SNX25: variants seen among roughly 807,000 people sequenced by gnomAD.
SNX25 encodes the protein sorting nexin 25, also known as sorting nexin-25.
Under a neutral mutation model 113.7 loss-of-function variants are expected in SNX25, and 62 were observed. The ratio of observed to expected loss-of-function variants is 0.55; its 90% CI spans 0.44 to 0.67. The LOEUF (loss-of-function observed/expected upper bound fraction) is 0.67, where lower values mean the gene tolerates loss of function less well. SNX25 is among the 30% of genes least tolerant of loss of function. SNX25 has a pLI of 0.00. For missense variants in SNX25, 1,014 were observed against 1,161.0 expected (o/e 0.87, Z 1.84); for synonymous variants, 421 against 436.2 (o/e 0.97, Z 0.43).
chr4:185,259,632 TAGAG>T (rs1334703852), intron 3 of SNX25, among the ~76,000 whole-genome samples: 2 of 152,176 alleles, frequency 1.3e-5, no homozygotes, highest in Non-Finnish European at 2.9e-5. Context: ...GGGCTTTGAC[TAGAG>T]AAATTTCATT....
intron 15 of SNX25, among the ~76,000 whole-genome samples, chr4:185,355,562 C>G (rs957561662): frequency 6.6e-6 from 1 of 152,056 alleles, no homozygotes; most frequent in Non-Finnish European, 1.5e-5. Context: ...AGCATAATTA[C>G]AATAATGAAA....
intron 5 of SNX25, among the ~76,000 whole-genome samples, chr4:185,276,976 T>C (rs551085872): frequency 6.6e-6 from 1 of 152,312 alleles, no homozygotes; most frequent in African/African-American, 2.4e-5. Flanking sequence ...AGGCTTCTTA[T>C]GTATGGAATG....
chr4:185,211,240 TGTTA>T (rs953911476), intron 1 of SNX25, among the ~76,000 whole-genome samples: 11 of 152,286 alleles, frequency 7.2e-5, no homozygotes, highest in Middle Eastern at 3.4e-3. Flanking sequence ...ACTCTGAGTG[TGTTA>T]GTTCAGAATG....
intron 1 of SNX25, among the ~76,000 whole-genome samples, chr4:185,239,774 C>A: frequency 9.0e-6 from 1 of 110,738 alleles, no homozygotes; most frequent in East Asian, 2.5e-4. Flanking sequence ...TTTTTTTTTT[C>A]TTTTTTTTTT....
Position 185,334,723 on chromosome 4 carries a change from T to C in SNX25, c.1914+1964T>C, listed in dbSNP as rs1306819472. On this transcript the variant is annotated intron_variant, in intron 10 of 18. Coordinates refer to ENST00000652585, the MANE Select transcript of SNX25 (RefSeq NM_001378034.2). The surrounding 1 kb of genome is among the most constrained non-coding windows in gnomAD (Gnocchi z 4.2). ...TTTGAAAGACATTATTCAGCCTTTC[T>C]TAAAATAACTTCTGATAACCATGGA... is the stretch of plus-strand genomic sequence containing the variant. Among the ~76,000 whole-genome samples, 5 of 152,260 alleles carry C rather than the reference T, an allele frequency of 3.3e-5. No homozygotes were observed. The highest frequency in any genetic ancestry group is 1.2e-4 in the African/African-American group (5 of 41,466).
At chr4:185,373,699 T>TA (rs1217524682), downstream of SNX25, among the ~76,000 whole-genome samples, 3 of 152,320 alleles carry the variant, frequency 2.0e-5, no homozygotes, top group East Asian at 5.8e-4. Flanking sequence ...TCCTTCTCCT[T>TA]ATAGGATTTT....
intron 16 of SNX25, among the ~76,000 whole-genome samples, chr4:185,360,946 T>G (rs183553459): frequency 3.7e-5 from 5 of 133,860 alleles, no homozygotes; most frequent in Admixed American, 7.1e-5. Flanking sequence ...TATATATATA[T>G]ATATATAGAA....
At chr4:185,300,520 T>C (rs150982375) in intron 6 of SNX25, among the ~76,000 whole-genome samples, 43 of 152,020 alleles carry the variant, frequency 2.8e-4, no homozygotes, top group African/African-American at 9.6e-4. Context: ...TTCTAGAATT[T>C]AAAGGTGTCC....
chr4:185,221,099 C>T (rs1008064468), intron 1 of SNX25, among the ~76,000 whole-genome samples: 1 of 151,446 alleles, frequency 6.6e-6, no homozygotes, highest in Admixed American at 6.6e-5. Flanking sequence ...GTGGCATGAT[C>T]TTGGCTCACC....
chr4:185,361,501 G>T (rs1165141860), intron 16 of SNX25, among the ~76,000 whole-genome samples: 1 of 152,220 alleles, frequency 6.6e-6, no homozygotes, highest in African/African-American at 2.4e-5. Context: ...ACCTTGGGAG[G>T]CTGAGGCGGG....
intron 1 of SNX25, among the ~76,000 whole-genome samples, chr4:185,218,526 A>G (rs984091613): frequency 1.3e-5 from 2 of 152,220 alleles, no homozygotes; most frequent in Non-Finnish European, 2.9e-5. Context: ...TTGCCCCTGC[A>G]GCTAGCCAGC....
At chr4:185,265,506 T>A (rs576959979) in intron 4 of SNX25, among the ~76,000 whole-genome samples, 1 of 152,190 alleles carries the variant, frequency 6.6e-6, no homozygotes, top group East Asian at 1.9e-4. Flanking sequence ...TGAATGGAGC[T>A]TGCAGGACTG....
chr4:185,357,132 A>T (rs936594195), intron 15 of SNX25, among the ~76,000 whole-genome samples: 10 of 152,138 alleles, frequency 6.6e-5, no homozygotes, highest in African/African-American at 2.4e-4. Flanking sequence ...TTCATTTCTC[A>T]TTCAGGGTCC....
intron 1 of SNX25, among the ~76,000 whole-genome samples, chr4:185,238,515 G>A (rs1272191097): frequency 3.3e-5 from 5 of 152,088 alleles, no homozygotes; most frequent in Admixed American, 6.5e-5. Flanking sequence ...GCAGAATATC[G>A]TTGTTTCGAA....
At chr4:185,240,823 G>A (rs1342206125) in intron 1 of SNX25, among the ~76,000 whole-genome samples, 1 of 148,170 alleles carries the variant, frequency 6.7e-6, no homozygotes, top group Non-Finnish European at 1.5e-5. Context: ...CAGGCAGAGG[G>A]TCTCCTCACT....
chr4:185,371,018 GTCT>G, downstream of SNX25: 1 of 511,134 alleles, frequency 2.0e-6, no homozygotes, highest in Admixed American at 3.1e-5. Context: ...GACTTCACAT[GTCT>G]CTGTAATTAT....
intron 1 of SNX25, among the ~76,000 whole-genome samples, chr4:185,224,550 T>G (rs71638136): frequency 3.7e-5 from 4 of 108,856 alleles, no homozygotes; most frequent in African/African-American, 5.8e-5. Context: ...TATATATACA[T>G]ATATATAAAT....
chr4:185,247,392 G>A lies in SNX25; in HGVS notation c.514+14G>A, dbSNP rs1231452790. On this transcript the variant is annotated intron_variant, in intron 2 of 18. Coordinates refer to ENST00000652585, the MANE Select transcript of SNX25 (RefSeq NM_001378034.2). ...CTCTGAAAGAAGGTAAGGATTAAAT[G>A]AGAGTATATAATTACCATGTAAAGC... 8.7e-6 allele frequency: 13 copies of A among 1,493,786 alleles called. No homozygotes were observed. Among genetic ancestry groups the A allele is most frequent in the African/African-American group, 1.4e-5 (1 of 72,258 alleles). The allele number at this position is 1,493,786 out of a possible 1,614,324, so 92.5% of individuals were successfully genotyped here. A position where few individuals can be genotyped will look rare whatever the true frequency, so the allele number is the denominator to read the frequency against.
intron 6 of SNX25, among the ~76,000 whole-genome samples, chr4:185,300,446 G>C (rs536969087): frequency 1.3e-3 from 196 of 151,624 alleles, no homozygotes; most frequent in Non-Finnish European, 2.5e-3. Flanking sequence ...GGGATTACAG[G>C]TGTGAGCCAC....
Sources: allele counts gnomAD v4.1 joint callset (sites outside exome capture counted in the v4.1 genomes callset), GRCh38; gene constraint gnomAD v4.1.1; non-coding constraint Gnocchi (gnomAD v3.1); transcripts MANE v1.5; gene names NCBI Gene and HGNC (gene_info 2026-07-23, HGNC 2026-07-21).